The following CMSS1 variants were observed in gnomAD, a reference collection of about 807,000 sequenced individuals.
The protein encoded by CMSS1 is protein CMSS1.
Under a neutral mutation model 43.5 loss-of-function variants are expected in CMSS1, and 33 were observed. The ratio of observed to expected loss-of-function variants is 0.76; its 90% confidence interval spans 0.57 to 1.01. The LOEUF is 1.01. Ranked by LOEUF, CMSS1 falls within the 50% of genes least tolerant of loss-of-function variation. The pLI is 0.00. For missense variants in CMSS1, 313 were observed against 326.4 expected, an observed-to-expected ratio of 0.96 and a Z score of 0.32; for synonymous variants, 115 against 117.2, an observed-to-expected ratio of 0.98 and a Z score of 0.12.
chr3:100,002,447 C>A (rs996419896), intron 1 of CMSS1, among the ~76,000 whole-genome samples: 3 of 152,086 alleles, frequency 2.0e-5, no homozygotes, highest in Non-Finnish European at 2.9e-5. Context: ...TTTCTAGAAC[C>A]ACCAGTTTCT....
At chr3:100,171,999 G>A (rs2067114242) in intron 7 of CMSS1, 100 bp downstream of exon 7, 1 of 898,890 alleles carries the variant, frequency 1.1e-6, no homozygotes, top group Admixed American at 2.5e-5. Flanking sequence ...ATTTTATTGA[G>A]TTCCTTCCTT....
In CMSS1 at chr3:100,122,525, A is replaced by AGCT. The variant is rs1576086739; in HGVS notation, c.65-24448_65-24447insGCT. Among the ~76,000 whole-genome samples the AGCT allele has an allele frequency of 5.9e-5, 9 of 152,342 alleles. No homozygotes were observed. In the South Asian group the frequency reaches 1.9e-3, roughly 32 times the overall value. On this transcript the variant is annotated intron_variant, in intron 1 of 9. Coordinates refer to ENST00000421999, the MANE Select transcript of CMSS1 (RefSeq NM_032359.4). The stretch of plus-strand genomic sequence containing the variant: ...GCCAGCTTCACAATAGCTCCCCAGG[A>AGCT]ATACATTGTGCTATTCATTCTTAGT...
intron 1 of CMSS1, among the ~76,000 whole-genome samples, chr3:100,021,960 T>TGAGA (rs61630053): frequency 0.033 from 3,037 of 93,050 alleles, 72 homozygotes; most frequent in Non-Finnish European, 0.049. Flanking sequence ...TGTGTGTGTG[T>TGAGA]GAGAGAGAGA....
intron 1 of CMSS1, among the ~76,000 whole-genome samples, chr3:99,986,396 T>G (rs1432263254): frequency 2.0e-5 from 3 of 152,212 alleles, no homozygotes; most frequent in South Asian, 2.1e-4. Flanking sequence ...TTTGCATATT[T>G]TTTAAATAAA....
intron 1 of CMSS1, among the ~76,000 whole-genome samples, chr3:100,111,197 A>G (rs756031899): frequency 2.0e-5 from 3 of 152,166 alleles, no homozygotes; most frequent in Non-Finnish European, 2.9e-5. Context: ...TAGAAGGGCA[A>G]TGGAGGCAGA....
chr3:99,998,882 T>G (rs1181431350), intron 1 of CMSS1, among the ~76,000 whole-genome samples: 6 of 148,704 alleles, frequency 4.0e-5, no homozygotes, highest in Non-Finnish European at 8.9e-5. Flanking sequence ...GTTCTTAAAC[T>G]CTAACCTAAT....
chr3:99,881,150 A>G (rs189761284), intron 1 of CMSS1, among the ~76,000 whole-genome samples: 201 of 152,308 alleles, frequency 1.3e-3, no homozygotes, highest in African/African-American at 4.5e-3. Context: ...AGGGGATGCC[A>G]TAAGTTGGCT....
At chr3:100,170,414 GA>G (rs1418010109) in intron 6 of CMSS1, among the ~76,000 whole-genome samples, 1 of 152,224 alleles carries the variant, frequency 6.6e-6, no homozygotes, top group Non-Finnish European at 1.5e-5. Flanking sequence ...AAGCGAGCTA[GA>G]AATGGTGCTG....
intron 1 of CMSS1, among the ~76,000 whole-genome samples, chr3:99,859,680 T>TAG (rs1228352954): frequency 1.3e-5 from 2 of 152,372 alleles, no homozygotes; most frequent in East Asian, 3.9e-4. Context: ...GCGTTGATAG[T>TAG]AGCTGTGTTC....
chr3:100,011,919 C>T (rs184035055), intron 1 of CMSS1, among the ~76,000 whole-genome samples: 1 of 152,228 alleles, frequency 6.6e-6, no homozygotes, highest in Admixed American at 6.5e-5. Context: ...AGAGAACTTC[C>T]ACTTTTAGTC....
chr3:100,006,879 T>G (rs368784546), intron 1 of CMSS1, among the ~76,000 whole-genome samples: 11 of 152,354 alleles, frequency 7.2e-5, no homozygotes, highest in African/African-American at 1.2e-4. Context: ...CTGCAAGCTT[T>G]TAAAATTGAA....
At chr3:100,046,441 A>C (rs1017540430) in intron 1 of CMSS1, among the ~76,000 whole-genome samples, 3 of 150,130 alleles carry the variant, frequency 2.0e-5, no homozygotes, top group African/African-American at 7.3e-5. Context: ...TTTTTTTTTA[A>C]GTTTACTAGT....
intron 1 of CMSS1, among the ~76,000 whole-genome samples, chr3:99,948,068 C>T (rs1708062820): frequency 6.6e-6 from 1 of 152,204 alleles, no homozygotes; most frequent in Non-Finnish European, 1.5e-5. Context: ...CTATAACATT[C>T]TGTTTCTGAT....
chr3:99,966,724 G>A (rs968164040), intron 1 of CMSS1, among the ~76,000 whole-genome samples: 13 of 152,220 alleles, frequency 8.5e-5, no homozygotes, highest in African/African-American at 3.1e-4. Context: ...AATAAATGTA[G>A]TGTGTCAGAT....
chr3:100,146,218 A>G (rs1214548432), intron 1 of CMSS1, among the ~76,000 whole-genome samples: 1 of 152,268 alleles, frequency 6.6e-6, no homozygotes, highest in Non-Finnish European at 1.5e-5. Flanking sequence ...AGCTTTATAA[A>G]TAGGAAAACT....
intron 1 of CMSS1, among the ~76,000 whole-genome samples, chr3:99,832,436 T>C (rs1402888149): frequency 6.7e-6 from 1 of 149,338 alleles, no homozygotes; most frequent in Non-Finnish European, 1.5e-5. Context: ...TTCACTGTGT[T>C]AGCCAGGATG....
intron 1 of CMSS1, among the ~76,000 whole-genome samples, chr3:99,886,971 A>G (rs1169637292): frequency 7.3e-6 from 1 of 137,584 alleles, no homozygotes; most frequent in Non-Finnish European, 1.6e-5. Context: ...CTCCATCTCA[A>G]AAAAAAAAAA....
At chr3:100,093,703 C>T (rs2066153493) in intron 1 of CMSS1, among the ~76,000 whole-genome samples, 1 of 152,156 alleles carries the variant, frequency 6.6e-6, no homozygotes, top group Non-Finnish European at 1.5e-5. Flanking sequence ...CCATTTTCCT[C>T]CCATCCCCTA....
At chr3:100,105,124 T>C (rs1333621655) in intron 1 of CMSS1, among the ~76,000 whole-genome samples, 3 of 152,214 alleles carry the variant, frequency 2.0e-5, no homozygotes, top group African/African-American at 7.2e-5. Context: ...AAGCATTGTT[T>C]AAGTCTCATA....
Sources: allele counts gnomAD v4.1 joint callset (sites outside exome capture counted in the v4.1 genomes callset), GRCh38; gene constraint gnomAD v4.1.1; transcripts MANE v1.5; gene names NCBI Gene and HGNC (gene_info 2026-07-23, HGNC 2026-07-21).